Variants in UBR3 observed in about 807,000 individuals in gnomAD.
The protein encoded by UBR3 is ubiquitin protein ligase E3 component n-recognin 3.
Under a neutral mutation model 243.2 loss-of-function variants are expected in UBR3, and 85 were observed. That is an observed-to-expected ratio of 0.35 (90% CI 0.29 to 0.42). UBR3 has a LOEUF of 0.42. UBR3 is among the 10% of genes least tolerant of loss of function. The pLI is 1.00. For missense variants in UBR3, 1,686 were observed against 2,300.8 expected, an observed-to-expected ratio of 0.73 and a Z score of 5.47; for synonymous variants, 748 against 799.8, an observed-to-expected ratio of 0.94 and a Z score of 1.09.
At chr2:169,919,374 ATAATT>A (rs1359747487) in intron 11 of UBR3, among the ~76,000 whole-genome samples, 4 of 152,214 alleles carry the variant, frequency 2.6e-5, no homozygotes, top group Admixed American at 6.5e-5. Flanking sequence ...AGGGGAAAAA[ATAATT>A]TAAAGCAGCC....
chr2:169,861,617 A>AG (rs547943288), intron 1 of UBR3, among the ~76,000 whole-genome samples: 6,421 of 151,466 alleles, frequency 0.042, 157 homozygotes, highest in Middle Eastern at 0.068. Flanking sequence ...AAAAAAAAAA[A>AG]AAAAGAAAAG....
intron 30 of UBR3, among the ~76,000 whole-genome samples, chr2:170,025,116 A>G (rs893320074): frequency 1.3e-5 from 2 of 152,154 alleles, no homozygotes; most frequent in African/African-American, 4.8e-5. Flanking sequence ...GTAGATATAT[A>G]ATGCTCAGAC....
intron 5 of UBR3, among the ~76,000 whole-genome samples, chr2:169,881,852 C>G (rs867343292): frequency 7.7e-6 from 1 of 130,238 alleles, no homozygotes; most frequent in African/African-American, 2.9e-5. Context: ...TATACATATA[C>G]GTATATGTGT....
intron 8 of UBR3, among the ~76,000 whole-genome samples, chr2:169,900,182 C>T (rs1390069828): frequency 2.0e-5 from 3 of 152,140 alleles, no homozygotes; most frequent in Non-Finnish European, 4.4e-5. Context: ...TTTTAATGAT[C>T]GCCGTTCTGA....
chr2:169,928,049 T>A (rs1331862464), intron 17 of UBR3, among the ~76,000 whole-genome samples: 1 of 152,228 alleles, frequency 6.6e-6, no homozygotes, highest in Non-Finnish European at 1.5e-5. Context: ...TTGGAAGAAT[T>A]GGCTAAACTT....
intron 23 of UBR3, among the ~76,000 whole-genome samples, chr2:169,955,838 G>A (rs528923521): frequency 7.0e-6 from 1 of 143,622 alleles, no homozygotes; most frequent in South Asian, 2.4e-4. Flanking sequence ...CCTGTACTTG[G>A]AGTCAGCCAT....
intron 36 of UBR3, among the ~76,000 whole-genome samples, chr2:170,074,980 G>T (rs1271824943): frequency 6.6e-6 from 1 of 152,120 alleles, no homozygotes; most frequent in Non-Finnish European, 1.5e-5. Flanking sequence ...ACGTATTAAA[G>T]GGGAGCCAAG....
intron 30 of UBR3, among the ~76,000 whole-genome samples, chr2:170,021,294 A>G (rs933948149): frequency 1.3e-5 from 2 of 152,124 alleles, no homozygotes; most frequent in African/African-American, 4.8e-5. Context: ...TTAGTCTATA[A>G]CAATATACCA....
chr2:169,986,360 T>C (rs2089003334), intron 24 of UBR3, among the ~76,000 whole-genome samples: 1 of 152,212 alleles, frequency 6.6e-6, no homozygotes, highest in Admixed American at 6.5e-5. Flanking sequence ...GATACAAATA[T>C]CTTTGCCTCT....
rs375847423 is a variant in UBR3 at position 169,950,092 on chromosome 2, C to T, written c.3545+27C>T. On this transcript the variant is annotated intron_variant, in intron 23 of 38. Coordinates refer to ENST00000272793, the MANE Select transcript of UBR3 (RefSeq NM_172070.4). ...TAATTTTTATTTTTAATGTTTTAAA[C>T]GTGTGTATAGTTGAAAATTTGATAT... 3.2e-5 allele frequency: 48 copies of T among 1,514,006 alleles called. 1 individual carries two copies. The Admixed American group carries it at 3.5e-4, about 11-fold the overall frequency. 93.8% of individuals were successfully genotyped at this position (1,514,006 alleles called of 1,614,324 possible).
intron 9 of UBR3, 125 bp downstream of exon 9, chr2:169,905,418 T>C (rs1223991091): frequency 3.0e-6 from 2 of 656,576 alleles, no homozygotes; most frequent in Non-Finnish European, 4.4e-6. Flanking sequence ...ATTATTTTAA[T>C]TGGTATTTGT....
At chr2:169,925,350 T>C (rs1252417981) in intron 13 of UBR3, among the ~76,000 whole-genome samples, 1 of 152,152 alleles carries the variant, frequency 6.6e-6, no homozygotes, top group East Asian at 1.9e-4. Context: ...TTATGAAAGA[T>C]GTCAGTGAAA....
At chr2:170,003,659 C>T (rs761222609) in intron 27 of UBR3, among the ~76,000 whole-genome samples, 45 of 151,624 alleles carry the variant, frequency 3.0e-4, no homozygotes, top group South Asian at 2.1e-4. Flanking sequence ...TTTTCCCCTC[C>T]GAGATGGAGT....
chr2:169,927,175 A>T, intron 16 of UBR3, 145 bp from the exon 17 acceptor site: 1 of 936,792 alleles, frequency 1.1e-6, no homozygotes, highest in South Asian at 1.9e-5. Flanking sequence ...GTTAAACTGC[A>T]GTTATGTTTG....
intron 1 of UBR3, among the ~76,000 whole-genome samples, chr2:169,855,706 T>C (rs916359283): frequency 1.3e-5 from 2 of 152,258 alleles, no homozygotes; most frequent in African/African-American, 4.8e-5. Flanking sequence ...CAGAAGAATT[T>C]TTCTTAGTAC....
intron 1 of UBR3, among the ~76,000 whole-genome samples, chr2:169,853,426 TTCTTCC>T (rs919866052): frequency 2.0e-4 from 30 of 152,182 alleles, no homozygotes; most frequent in African/African-American, 7.2e-4. Flanking sequence ...CTTTTTTCTC[TTCTTCC>T]TCTTCCTCTT....
At chr2:169,869,470 C>G (rs1449543577) in intron 1 of UBR3, among the ~76,000 whole-genome samples, 1 of 152,006 alleles carries the variant, frequency 6.6e-6, no homozygotes, top group Non-Finnish European at 1.5e-5. Flanking sequence ...GCAATCCGCC[C>G]ATGTCAGCCT....
chr2:169,924,992 C>T (rs1260810458), intron 13 of UBR3, among the ~76,000 whole-genome samples: 1 of 152,134 alleles, frequency 6.6e-6, no homozygotes, highest in Admixed American at 6.5e-5. Context: ...CAAGATCGCG[C>T]CACTGCACTC....
chr2:170,014,948 G>A (rs974019657), intron 29 of UBR3: 5 of 172,202 alleles, frequency 2.9e-5, no homozygotes, highest in Non-Finnish European at 6.0e-5. Flanking sequence ...ATATTCATAT[G>A]CAGGTTTATG....
Sources: allele counts gnomAD v4.1 joint callset (sites outside exome capture counted in the v4.1 genomes callset), GRCh38; gene constraint gnomAD v4.1.1; transcripts MANE v1.5; gene names NCBI Gene and HGNC (gene_info 2026-07-23, HGNC 2026-07-21).